Variants in KIF22 observed in about 807,000 individuals in gnomAD.
KIF22 encodes the protein kinesin family member 22, also known as kinesin-like protein KIF22.
Under a neutral mutation model 73.0 loss-of-function variants are expected in KIF22, and 62 were observed. The observed-to-expected ratio is 0.85, with a 90% CI of 0.69 to 1.05. The LOEUF (loss-of-function observed/expected upper bound fraction) is 1.05, where lower values mean the gene tolerates loss of function less well. KIF22 is among the 50% of genes least tolerant of loss of function. The pLI is 0.00. For missense variants in KIF22, 854 were observed against 870.1 expected, an observed-to-expected ratio of 0.98 and a Z score of 0.23; for synonymous variants, 411 against 340.1, an observed-to-expected ratio of 1.21 and a Z score of -2.29.
In KIF22 at chr16:29,799,668, A is replaced by G. The variant is rs1039245633; in HGVS notation, c.1031A>G (p.Asn344Ser). Residue 344 changes from asparagine to serine, a missense_variant, in exon 7 of 14, where the codon AAC (asparagine) becomes AGC (serine). Transcript: ENST00000160827. The stretch of plus-strand genomic sequence containing the variant: ...TCAGCCCACAGTATCCTTATTGCCA[A>G]CATTGCCCCTGAGAGACGCTTCTAC... ...GGSAHSILIA[N>S]IAPERRFYLD... 7.4e-6 allele frequency: 12 copies of G among 1,613,928 alleles called. No homozygotes were observed. The highest frequency in any genetic ancestry group is 2.2e-5 in the East Asian group (1 of 44,896).
chr16:29,801,508 CA>C (rs779067940), intron 8 of KIF22, among the ~76,000 whole-genome samples: 2 of 152,136 alleles, frequency 1.3e-5, no homozygotes, highest in Non-Finnish European at 2.9e-5. Flanking sequence ...TTTCCCAAAC[CA>C]TCTGTCAGCA....
At position 29,805,148 on chromosome 16, in the gene KIF22, G is replaced by A. The variant is rs911670493; in HGVS notation, c.1924G>A (p.Gly642Arg). ...EDLERVEGITGKQMESFLKAN... is the reference protein window; with the variant it reads ...EDLERVEGITRKQMESFLKAN... ...CCTGGAACGCGTGGAGGGCATAACGGGGAAACAGATGGAGTCCTTCCTGAA... is the reference window on the plus strand; with the variant it reads ...CCTGGAACGCGTGGAGGGCATAACGAGGAAACAGATGGAGTCCTTCCTGAA... Residue 642 changes from glycine to arginine, a missense_variant, in exon 13 of 14, where the codon GGG becomes AGG. By Grantham distance (125) the Gly-to-Arg change is moderately radical. Around this residue, in one of 3 missense-constraint regions of KIF22, gnomAD observed 423 missense variants for 365.4 expected, o/e 1.16. Transcript: ENST00000160827. 7 of 1,613,794 alleles carry A rather than the reference G, an allele frequency of 4.3e-6. No homozygotes were observed. The African/African-American group carries it at 9.4e-5, about 22-fold the overall frequency.
Position 29,799,180 on chromosome 16 carries a change from T to G in KIF22, c.755T>G (p.Val252Gly), listed in dbSNP as rs757445899. ...TCCCGCAGTCATGCTGTGCTCCTGG[T>G]CAAGGTGAGGCCGCAGACAGGGGCG... ...RSSRSHAVLL[V>G]KVDQRERLAP... is the part of the protein sequence containing the mutation. The change falls in exon 5 of 14, where the codon GTC (valine) becomes GGC (glycine). Residue 252 changes from valine to glycine, a missense_variant. Physicochemically the swap from Val to Gly is moderately radical, Grantham distance 109. Coordinates refer to ENST00000160827, the MANE Select transcript of KIF22 (RefSeq NM_007317.3). The G allele has an allele frequency of 1.1e-5, 17 of 1,613,326 alleles. No individual in the cohort carries two copies. The highest frequency in any genetic ancestry group is 1.4e-5 in the Non-Finnish European group (16 of 1,179,718).
chr16:29,799,506 C>A lies in KIF22; in HGVS notation c.990+12C>A, dbSNP rs1440672602. On this transcript the variant is annotated intron_variant, in intron 6 of 13. Coordinates refer to ENST00000160827, the MANE Select transcript of KIF22 (RefSeq NM_007317.3). ...CTCGCCTATTGCAGGTCAGGCCCAC[C>A]TGTCTCAGGGAAGAAGGGGCTGCAG... 7 of 1,613,766 alleles carry A rather than the reference C, an allele frequency of 4.3e-6. No individual in the cohort carries two copies. Among genetic ancestry groups the A allele is most frequent in the Non-Finnish European group, 5.9e-6 (7 of 1,179,688 alleles).
At position 29,798,651 on chromosome 16, in the gene KIF22, C is replaced by T. The variant is rs917054085; in HGVS notation, c.453C>T (p.Leu151=). The T allele has an allele frequency of 1.2e-6, 2 of 1,614,174 alleles. No homozygotes were observed. The highest frequency in any genetic ancestry group is 1.7e-6 in the Non-Finnish European group (2 of 1,180,030). Residue 151 remains leucine, a synonymous_variant, in exon 4 of 14, where the codon CTC becomes CTT. Coordinates refer to ENST00000160827, the MANE Select transcript of KIF22 (RefSeq NM_007317.3). This position sits in a 1 kb window ranked among gnomAD's most constrained non-coding sequence, Gnocchi z 4.1. ...PEQPGVIPRA[L]MDLLQLTREE... ...AACCTGGGGTGATCCCGCGGGCTCT[C>T]ATGGACCTCCTGCAGCTCACAAGGG...
rs1899015857 is a variant in KIF22, at chr16:29,798,542, G to A, written c.394+41G>A. 36 of 1,613,910 alleles carry A rather than the reference G, an allele frequency of 2.2e-5. No individual in the cohort carries two copies. The highest frequency in any genetic ancestry group is 3.1e-5 in the Non-Finnish European group (36 of 1,179,948). The stretch of plus-strand genomic sequence containing the variant: ...AAGAAACAGCTATGGGTCAGAAAGG[G>A]CTGGGGAAACGGAGAGGAAAACCTC... On this transcript the variant is annotated intron_variant, in intron 3 of 13. Coordinates refer to ENST00000160827, the MANE Select transcript of KIF22 (RefSeq NM_007317.3). The surrounding 1 kb of genome is among the most constrained non-coding windows in gnomAD (Gnocchi z 4.1).
chr16:29,791,130 G>A lies in KIF22; in HGVS notation c.70+301G>A, dbSNP rs1389582050. On this transcript the variant is annotated intron_variant, in intron 1 of 13. Coordinates refer to ENST00000160827, the MANE Select transcript of KIF22 (RefSeq NM_007317.3). ...TTCGGTTTCTTCGTCTGTGAAACGG[G>A]GGTCATGGCCTCATCCCTGGAGATC... 18 of 1,341,336 alleles carry A rather than the reference G, an allele frequency of 1.3e-5. No individual in the cohort carries two copies. In the East Asian group the frequency reaches 4.6e-4, roughly 34 times the overall value. The allele number at this position is 1,341,336 out of a possible 1,614,324, so 83.1% of individuals were successfully genotyped here. A position where few individuals can be genotyped will look rare whatever the true frequency, so the allele number is the denominator to read the frequency against.
chr16:29,793,756 A>G (rs1194281747), intron 1 of KIF22, among the ~76,000 whole-genome samples: 5 of 152,170 alleles, frequency 3.3e-5, no homozygotes, highest in African/African-American at 9.7e-5. Flanking sequence ...CCGAAATGTC[A>G]GTAGTGCTGA....
Position 29,798,915 on chromosome 16 carries a change from T to TC in KIF22, c.550-56dup. The TC allele has an allele frequency of 6.4e-7, 1 of 1,573,140 alleles. No individual in the cohort carries two copies. The highest frequency in any genetic ancestry group is 1.1e-5 in the South Asian group (1 of 90,086). On this transcript the variant is annotated intron_variant, in intron 4 of 13. Transcript: ENST00000160827. This position sits in a 1 kb window ranked among gnomAD's most constrained non-coding sequence, Gnocchi z 4.1. ...GAATAGAACAGAGAAAGGAAACTGA[T>TC]CCCCAGGAAGAAACAGCCTCTCTAT...
rs1899064760 is a variant in KIF22, at chr16:29,799,657, C to A, written c.1020C>A (p.Ile340=). Residue 340 remains isoleucine, a synonymous_variant, in exon 7 of 14, where the codon ATC becomes ATA. Coordinates refer to ENST00000160827, the MANE Select transcript of KIF22 (RefSeq NM_007317.3). ...QDSLGGSAHS[I]LIANIAPERR... is the part of the protein sequence containing the mutation. ...CTCTGGGTGGCTCAGCCCACAGTAT[C>A]CTTATTGCCAACATTGCCCCTGAGA... 3 of 1,614,104 alleles carry A rather than the reference C, an allele frequency of 1.9e-6. No homozygotes were observed. The highest frequency in any genetic ancestry group is 1.3e-5 in the African/African-American group (1 of 75,028).
At chr16:29,803,030 T>C in intron 9 of KIF22, 93 bp downstream of exon 9, 1 of 1,294,830 alleles carries the variant, frequency 7.7e-7, no homozygotes, top group Non-Finnish European at 1.1e-6. Flanking sequence ...CAGGCTGGAC[T>C]AGAGTCCAGT....
chr16:29,793,627 C>G (rs1372423284), intron 1 of KIF22, among the ~76,000 whole-genome samples: 3 of 151,878 alleles, frequency 2.0e-5, no homozygotes, highest in African/African-American at 4.8e-5. Flanking sequence ...TTGGAGATGT[C>G]TGGAGAGATT....
At chr16:29,802,293 GAAT>G (rs1241869731) in intron 8 of KIF22, among the ~76,000 whole-genome samples, 1 of 114,296 alleles carries the variant, frequency 8.7e-6, no homozygotes, top group African/African-American at 3.3e-5. Flanking sequence ...AAAAAAAAAA[GAAT>G]GTTAAGCCTT....
intron 1 of KIF22, chr16:29,791,271 A>T (rs1898807835): frequency 2.0e-6 from 2 of 1,006,474 alleles, no homozygotes; most frequent in South Asian, 4.3e-5. Flanking sequence ...GGGTGCAGAG[A>T]CATCCCTGAG....
At chr16:29,802,054 C>T (rs1899154148) in intron 8 of KIF22, among the ~76,000 whole-genome samples, 1 of 151,814 alleles carries the variant, frequency 6.6e-6, no homozygotes, top group South Asian at 2.1e-4. Context: ...ATCACTTGAG[C>T]CCAGGAGTTC....
At chr16:29,792,905 A>G (rs1234978631) in intron 1 of KIF22, among the ~76,000 whole-genome samples, 2 of 152,226 alleles carry the variant, frequency 1.3e-5, no homozygotes, top group African/African-American at 4.8e-5. Context: ...ACCACCAGCA[A>G]GGAAGGCTGT....
At chr16:29,790,999 C>T in intron 1 of KIF22, 170 bp downstream of exon 1, 1 of 1,460,492 alleles carries the variant, frequency 6.8e-7, no homozygotes, top group Non-Finnish European at 9.1e-7. Context: ...GTCGCCCCGC[C>T]TGGCTCCTGC....
In KIF22 at chr16:29,790,766, G is replaced by C; in HGVS notation, c.7G>C (p.Ala3Pro). 1.3e-6 allele frequency: 2 copies of C among 1,595,902 alleles called. No individual in the cohort carries two copies. Among genetic ancestry groups the C allele is most frequent in the Non-Finnish European group, 1.7e-6 (2 of 1,171,190 alleles). ...GGCCCAAGGAGGGAGTGGAATGGCC[G>C]CGGGCGGCTCGACGCAGCAGAGGCG... is the stretch of plus-strand genomic sequence containing the variant. The part of the protein sequence containing the change: MA[A>P]GGSTQQRRRE... Residue 3 changes from alanine to proline, a missense_variant, in exon 1 of 14, where the codon GCG (alanine) becomes CCG (proline). By Grantham distance (27) the Ala-to-Pro change is conservative. This residue lies in a region of KIF22 where 186 missense variants were observed against 152.9 expected (regional missense o/e 1.22). Transcript: ENST00000160827.
chr16:29,804,436 G>A (rs914905851), intron 11 of KIF22: 12 of 627,504 alleles, frequency 1.9e-5, no homozygotes, highest in African/African-American at 9.0e-5. Flanking sequence ...GAGATGGTTG[G>A]GGGAGGTATC....
Sources: gnomAD v4.1 joint callset for allele counts (sites outside exome capture counted in the v4.1 genomes callset) on GRCh38, gnomAD v4.1.1 for gene constraint, gnomAD v4.1.1 regional missense constraint, Gnocchi (gnomAD v3.1) non-coding constraint, MANE v1.5 for transcripts, NCBI Gene and HGNC (gene_info 2026-07-23, HGNC 2026-07-21) for gene names.